Variants in EEF2K observed in about 807,000 individuals in gnomAD.
The protein encoded by EEF2K is alternative protein EEF2K.
Under a neutral mutation model 93.8 loss-of-function variants are expected in EEF2K, and 70 were observed. That is an observed-to-expected ratio of 0.75 (90% confidence interval 0.62 to 0.91). The LOEUF (loss-of-function observed/expected upper bound fraction) is 0.91, where lower values mean the gene tolerates loss of function less well. Among genes scored for constraint, EEF2K ranks in the 40% least tolerant of loss-of-function variants. The probability of loss-of-function intolerance (pLI) is 0.00; values close to 1 mark genes in which losing one functional copy is unlikely to be tolerated. For synonymous variants in EEF2K, 376 were observed against 380.8 expected (o/e 0.99, Z 0.15); for missense variants, 935 against 972.9 (o/e 0.96, Z 0.52).
chr16:22,209,745 G>C (rs1461846621), intron 1 of EEF2K, among the ~76,000 whole-genome samples: 1 of 152,192 alleles, frequency 6.6e-6, no homozygotes, highest in Non-Finnish European at 1.5e-5. Flanking sequence ...AAGTGTTGCT[G>C]GATCAAATTC....
At position 22,280,077 on chromosome 16, in the gene EEF2K, C is replaced by T. The variant is rs879584094; in HGVS notation, c.1890-121C>T. Reference sequence around the variant, plus strand: ...TGTATTGGCCTTGGACAAGATAGGTCGTGAACCATAGGTGGTGGCCCTGCT... The same window carrying T: ...TGTATTGGCCTTGGACAAGATAGGTTGTGAACCATAGGTGGTGGCCCTGCT... On this transcript the variant is annotated intron_variant, in intron 16 of 17. Transcript: ENST00000263026. 1.5e-5 allele frequency: 14 copies of T among 962,658 alleles called. No homozygotes were observed. The Admixed American group carries it at 3.9e-4, about 27-fold the overall frequency. 59.6% of individuals were successfully genotyped at this position (962,658 alleles called of 1,614,324 possible).
At chr16:22,221,445 G>T (rs1421036913) in intron 1 of EEF2K, among the ~76,000 whole-genome samples, 1 of 151,914 alleles carries the variant, frequency 6.6e-6, no homozygotes, top group Admixed American at 6.6e-5. Flanking sequence ...CTGCACTCCA[G>T]CCAGGGCAAC....
chr16:22,271,283 T>A (rs535485589), intron 15 of EEF2K, among the ~76,000 whole-genome samples: 1 of 152,188 alleles, frequency 6.6e-6, no homozygotes, highest in East Asian at 1.9e-4. Context: ...CTCTGGAATC[T>A]CTATGCTCAT....
intron 11 of EEF2K, among the ~76,000 whole-genome samples, chr16:22,262,075 A>G (rs2047471074): frequency 6.6e-6 from 1 of 152,078 alleles, no homozygotes; most frequent in African/African-American, 2.4e-5. Context: ...AAGGAAATAA[A>G]ACTATTCCGT....
intron 16 of EEF2K, 45 bp from the exon 17 acceptor site, chr16:22,280,153 G>C: frequency 7.0e-7 from 1 of 1,426,052 alleles, no homozygotes; most frequent in Non-Finnish European, 9.2e-7. Context: ...CTGCCACCCT[G>C]TTGCCATGGT....
At chr16:22,274,182 C>T (rs772487739) in intron 16 of EEF2K, among the ~76,000 whole-genome samples, 8 of 152,094 alleles carry the variant, frequency 5.3e-5, no homozygotes, top group Non-Finnish European at 1.0e-4. Context: ...GTGGCTCACG[C>T]ATGTAATCTT....
intron 2 of EEF2K, among the ~76,000 whole-genome samples, chr16:22,227,024 C>A (rs1302251061): frequency 6.6e-6 from 1 of 152,084 alleles, no homozygotes; most frequent in Non-Finnish European, 1.5e-5. Flanking sequence ...CATGGTGAAA[C>A]TCCATCTCTA....
intron 16 of EEF2K, among the ~76,000 whole-genome samples, chr16:22,276,578 A>T (rs2047637816): frequency 1.3e-5 from 2 of 152,124 alleles, no homozygotes; most frequent in Non-Finnish European, 2.9e-5. Flanking sequence ...GGCGAAGGAG[A>T]AGGTGCTAGA....
At chr16:22,277,078 A>G (rs1436848934) in intron 16 of EEF2K, among the ~76,000 whole-genome samples, 1 of 152,072 alleles carries the variant, frequency 6.6e-6, no homozygotes, top group Non-Finnish European at 1.5e-5. Context: ...AACAAAAACA[A>G]AAGTTTGTTG....
intron 15 of EEF2K, among the ~76,000 whole-genome samples, chr16:22,267,211 G>C (rs1421813380): frequency 6.6e-6 from 1 of 152,122 alleles, no homozygotes; most frequent in East Asian, 1.9e-4. Flanking sequence ...CAGGCTTCCT[G>C]CTCATCAGTT....
chr16:22,238,938 G>A (rs527390644), intron 2 of EEF2K, among the ~76,000 whole-genome samples: 1 of 152,210 alleles, frequency 6.6e-6, no homozygotes, highest in East Asian at 1.9e-4. Context: ...TACCCTGGGT[G>A]CAGGGGCCAC....
In EEF2K at chr16:22,257,631, C is replaced by G; in HGVS notation, c.902-12C>G. 2 of 1,611,960 alleles carry G rather than the reference C, an allele frequency of 1.2e-6. No individual in the cohort carries two copies. Among genetic ancestry groups the G allele is most frequent in the Non-Finnish European group, 1.7e-6 (2 of 1,179,856 alleles). ...CAAAGCAACACTCCAGACACCCCCG[C>G]TCTGTCCACAGGTGTCCGCGGGATG... is the stretch of plus-strand genomic sequence containing the variant. On this transcript the variant is annotated splice_polypyrimidine_tract_variant and intron_variant, in intron 8 of 17. Coordinates refer to ENST00000263026, the MANE Select transcript of EEF2K (RefSeq NM_013302.5).
intron 17 of EEF2K, among the ~76,000 whole-genome samples, chr16:22,281,443 T>C (rs2141690394): frequency 6.6e-6 from 1 of 152,312 alleles, no homozygotes; most frequent in Admixed American, 6.5e-5. Flanking sequence ...AGTCTTGCTA[T>C]GTTGCCCAGG....
Position 22,244,619 on chromosome 16 carries a change from G to C in EEF2K, c.247-11G>C. On this transcript the variant is annotated splice_polypyrimidine_tract_variant and intron_variant, in intron 2 of 17. Transcript: ENST00000263026. ...GCCTGATGTTCCTACCTTCTCCTTTGCCTTCCACAGGAAGCCTGGAAGCAC... is the reference window on the plus strand; with the variant it reads ...GCCTGATGTTCCTACCTTCTCCTTTCCCTTCCACAGGAAGCCTGGAAGCAC... 6.2e-7 allele frequency: 1 copy of C among 1,613,682 alleles called. No homozygotes were observed. The highest frequency in any genetic ancestry group is 8.5e-7 in the Non-Finnish European group (1 of 1,179,726).
Position 22,256,900 on chromosome 16 carries a change from G to A in EEF2K, c.768+3G>A. The A allele has an allele frequency of 6.2e-7, 1 of 1,613,658 alleles. No individual in the cohort carries two copies. ...ACAACATCCGCCTGACGCCGCAGGT[G>A]AGGCCGAGCTCACCTCCACCCTCTG... On this transcript the variant is annotated splice_donor_region_variant and intron_variant, in intron 7 of 17. Transcript: ENST00000263026.
At chr16:22,260,574 G>T in intron 11 of EEF2K, 45 bp downstream of exon 11, 1 of 1,611,692 alleles carries the variant, frequency 6.2e-7, no homozygotes, top group South Asian at 1.1e-5. Context: ...ACCCCAGCAG[G>T]GGTAGGAGTG....
intron 15 of EEF2K, among the ~76,000 whole-genome samples, chr16:22,270,977 T>C (rs2047575240): frequency 6.7e-6 from 1 of 150,116 alleles, no homozygotes; most frequent in Non-Finnish European, 1.5e-5. Context: ...TTTTCTTTTT[T>C]TTTTTTTTTT....
chr16:22,226,006 C>A (rs1462799812), intron 2 of EEF2K, 31 bp downstream of exon 2: 2 of 1,609,220 alleles, frequency 1.2e-6, no homozygotes, highest in Non-Finnish European at 1.7e-6. Context: ...ACCTTCCCCA[C>A]CTGGCTTAGC....
intron 13 of EEF2K, 77 bp downstream of exon 13, chr16:22,264,957 A>T: frequency 1.8e-5 from 27 of 1,540,696 alleles, no homozygotes; most frequent in Non-Finnish European, 2.4e-5. Context: ...CTCCTGTCTC[A>T]TATCTCTGCT....
Sources: allele counts gnomAD v4.1 joint callset (sites outside exome capture counted in the v4.1 genomes callset), GRCh38; gene constraint gnomAD v4.1.1; transcripts MANE v1.5; gene names NCBI Gene and HGNC (gene_info 2026-07-23, HGNC 2026-07-21).